The following C12orf56 variants were observed in gnomAD, a reference collection of about 807,000 sequenced individuals.
C12orf56 encodes uncharacterized protein C12orf56.
A neutral mutation model predicts 69.9 loss-of-function variants in C12orf56; 71 were observed. That is an observed-to-expected ratio of 1.02 (90% CI 0.84 to 1.24). C12orf56 has a LOEUF of 1.24. Among genes scored for constraint, C12orf56 ranks in the 50% most tolerant of loss-of-function variants. C12orf56 has a pLI of 0.00. For missense variants in C12orf56, 732 were observed against 738.5 expected (o/e 0.99, Z 0.10); for synonymous variants, 276 against 274.1 (o/e 1.01, Z -0.07).
At chr12:64,338,251 C>A in intron 2 of C12orf56, 1 of 543,030 alleles carries the variant, frequency 1.8e-6, no homozygotes. Flanking sequence ...CTATGAGATC[C>A]AGCTGGCTTT....
At chr12:64,304,308 T>C (rs375500426) in intron 5 of C12orf56, among the ~76,000 whole-genome samples, 112 of 152,296 alleles carry the variant, frequency 7.4e-4, no homozygotes, top group African/African-American at 2.4e-3. Context: ...GGCCCCAAGC[T>C]GAGAGGTTCT....
intron 2 of C12orf56, among the ~76,000 whole-genome samples, chr12:64,344,736 G>A (rs2135942363): frequency 6.6e-6 from 1 of 152,120 alleles, no homozygotes; most frequent in Non-Finnish European, 1.5e-5. Context: ...ATTGGTCAAG[G>A]GTATATCTTC....
At chr12:64,283,625 G>A (rs1381017491) in intron 8 of C12orf56, among the ~76,000 whole-genome samples, 3 of 151,146 alleles carry the variant, frequency 2.0e-5, no homozygotes, top group African/African-American at 4.9e-5. Context: ...AAGGAAGCTT[G>A]TTTGCCCTCT....
chr12:64,369,982 C>CA (rs761872853), intron 1 of C12orf56, among the ~76,000 whole-genome samples: 3,723 of 74,654 alleles, frequency 0.05, 61 homozygotes, highest in Non-Finnish European at 0.069. Flanking sequence ...GACTCTGTCT[C>CA]AAAAAAAAAA....
At chr12:64,275,182 G>T (rs1215694474) in intron 10 of C12orf56, 116 bp downstream of exon 10, 3 of 700,790 alleles carry the variant, frequency 4.3e-6, no homozygotes, top group Non-Finnish European at 6.9e-6. Flanking sequence ...AAGCATTTTT[G>T]ATATATTATT....
rs140583498 is a variant in C12orf56, at chr12:64,383,441, A to G, written c.252+6873T>C. Among the ~76,000 whole-genome samples the G allele has an allele frequency of 3.8e-3, 582 of 152,030 alleles. 4 individuals carry two copies. Among genetic ancestry groups the G allele is most frequent in the African/African-American group, 0.013 (554 of 41,468 alleles). ...GCCCAGGCTGGAGTGCAGTGGCGCG[A>G]TCTTGGCTCACTGCAACCTCCACCT... is the stretch of plus-strand genomic sequence containing the variant. On this transcript the variant is annotated intron_variant, in intron 1 of 12. Coordinates refer to ENST00000543942, the MANE Select transcript of C12orf56 (RefSeq NM_001170633.2).
At chr12:64,332,515 G>A (rs2038944909) in intron 2 of C12orf56, among the ~76,000 whole-genome samples, 1 of 152,100 alleles carries the variant, frequency 6.6e-6, no homozygotes, top group African/African-American at 2.4e-5. Flanking sequence ...TCTTGAGAGT[G>A]GCTGTAGGCA....
chr12:64,297,490 C>T (rs1161751997), intron 6 of C12orf56, among the ~76,000 whole-genome samples: 4 of 152,038 alleles, frequency 2.6e-5, no homozygotes, highest in African/African-American at 7.2e-5. Context: ...CCCATCAACC[C>T]GTCAGCCACA....
rs953003533 is a variant in C12orf56 at position 64,370,348 on chromosome 12, G to GC, written c.253-17293dup. 6.9e-4 allele frequency among the ~76,000 whole-genome samples: 103 copies of GC among 149,370 alleles called. 1 individual carries two copies. The highest frequency in any genetic ancestry group is 1.6e-3 in the African/African-American group (66 of 40,646). On this transcript the variant is annotated intron_variant, in intron 1 of 12. Transcript: ENST00000543942. ...TGACAGAGTGAGACTCTGCCCATGC[G>GC]CCCCCCCAAAAAAAAAGATAGGCCG...
At chr12:64,316,625 T>C (rs1283146354) in intron 4 of C12orf56, among the ~76,000 whole-genome samples, 1 of 152,074 alleles carries the variant, frequency 6.6e-6, no homozygotes, top group Non-Finnish European at 1.5e-5. Flanking sequence ...TTTATTTCAA[T>C]GGTCATAGAA....
intron 8 of C12orf56, among the ~76,000 whole-genome samples, chr12:64,282,056 C>T (rs951790831): frequency 3.9e-5 from 6 of 152,088 alleles, no homozygotes; most frequent in Non-Finnish European, 5.9e-5. Flanking sequence ...TACTACCAAT[C>T]GCATAAAGAA....
chr12:64,381,188 G>A (rs1016863090), intron 1 of C12orf56, among the ~76,000 whole-genome samples: 2 of 152,166 alleles, frequency 1.3e-5, no homozygotes, highest in South Asian at 2.1e-4. Flanking sequence ...AAATCATAGG[G>A]AGCCAAAGCT....
At chr12:64,383,690 C>T (rs1007986536) in intron 1 of C12orf56, among the ~76,000 whole-genome samples, 1 of 151,764 alleles carries the variant, frequency 6.6e-6, no homozygotes, top group African/African-American at 2.4e-5. Flanking sequence ...TTTCCCTTCC[C>T]CCCTTCATAA....
rs561908270 is a variant in C12orf56 at position 64,345,181 on chromosome 12, T to A, written c.415+7713A>T. Among the ~76,000 whole-genome samples, 11 of 152,232 alleles carry A rather than the reference T, an allele frequency of 7.2e-5. No individual in the cohort carries two copies. In the South Asian group the frequency reaches 2.3e-3, roughly 32 times the overall value. On this transcript the variant is annotated intron_variant, in intron 2 of 12. Transcript: ENST00000543942. The stretch of plus-strand genomic sequence containing the variant: ...CTCCAGGGGCCTACGGGGACTTTAG[T>A]TATAGGTCTACAAGCAAACAGGAAC...
chr12:64,334,589 A>C (rs2038969656), intron 2 of C12orf56, among the ~76,000 whole-genome samples: 1 of 152,178 alleles, frequency 6.6e-6, no homozygotes, highest in Non-Finnish European at 1.5e-5. Context: ...ATGACAAGAA[A>C]ATAGTCTGTA....
intron 3 of C12orf56, 164 bp from the exon 4 acceptor site, chr12:64,319,144 G>T: frequency 1.7e-6 from 1 of 602,384 alleles, no homozygotes; most frequent in Non-Finnish European, 2.7e-6. Flanking sequence ...ATTGACTAGA[G>T]GAGATTTGAT....
chr12:64,361,598 C>T (rs777847443), intron 1 of C12orf56, among the ~76,000 whole-genome samples: 4 of 152,104 alleles, frequency 2.6e-5, no homozygotes, highest in Non-Finnish European at 5.9e-5. Context: ...CAGAAAGTTA[C>T]CCTATATAGT....
At position 64,390,718 on chromosome 12, in the gene C12orf56, C is replaced by A; in HGVS notation, c.-153G>T. 10 of 1,140,370 alleles carry A rather than the reference C, an allele frequency of 8.8e-6. No homozygotes were observed. Among genetic ancestry groups the A allele is most frequent in the Non-Finnish European group, 1.2e-5 (10 of 864,922 alleles). 70.6% of individuals were successfully genotyped at this position (1,140,370 alleles called of 1,614,324 possible). On this transcript the variant is annotated 5_prime_UTR_variant, in exon 1 of 13. Coordinates refer to ENST00000543942, the MANE Select transcript of C12orf56 (RefSeq NM_001170633.2). ...GGACCCGGGCCGCAACTGCAGGAAT[C>A]GACGCTAGGTCGGCTTCCCTGGAGC... is the stretch of plus-strand genomic sequence containing the variant.
intron 2 of C12orf56, among the ~76,000 whole-genome samples, chr12:64,342,764 A>G (rs1280249360): frequency 6.6e-6 from 1 of 152,206 alleles, no homozygotes; most frequent in Non-Finnish European, 1.5e-5. Context: ...TAACAGGCCA[A>G]GAGCTGTTTC....
Sources: allele counts gnomAD v4.1 joint callset (sites outside exome capture counted in the v4.1 genomes callset), GRCh38; gene constraint gnomAD v4.1.1; transcripts MANE v1.5; gene names NCBI Gene and HGNC (gene_info 2026-07-23, HGNC 2026-07-21).